Variants in LMBR1 observed in about 807,000 individuals in gnomAD.
LMBR1 encodes limb region 1 protein homolog.
Under a neutral mutation model 73.9 loss-of-function variants are expected in LMBR1, and 52 were observed. The observed-to-expected ratio is 0.70, with a 90% confidence interval of 0.56 to 0.89. LMBR1 has a LOEUF of 0.89. LMBR1 is among the 40% of genes least tolerant of loss of function. LMBR1 has a pLI of 0.00. For missense variants in LMBR1, 539 were observed against 579.8 expected (o/e 0.93, Z 0.72); for synonymous variants, 215 against 209.4 (o/e 1.03, Z -0.23).
chr7:156,880,175 G>C (rs916773250), intron 1 of LMBR1, among the ~76,000 whole-genome samples: 2 of 152,176 alleles, frequency 1.3e-5, no homozygotes, highest in South Asian at 2.1e-4. Flanking sequence ...CCATAAAAAG[G>C]AATGAAATAA....
chr7:156,724,057 A>T, intron 15 of LMBR1, 55 bp downstream of exon 15: 1 of 1,260,924 alleles, frequency 7.9e-7, no homozygotes, highest in Non-Finnish European at 1.1e-6. Context: ...AAGTTCAGTA[A>T]AGACAGTTTT....
At chr7:156,880,944 C>T (rs907701705) in intron 1 of LMBR1, among the ~76,000 whole-genome samples, 8 of 152,262 alleles carry the variant, frequency 5.3e-5, no homozygotes, top group East Asian at 3.9e-4. Flanking sequence ...TGAGCCACCA[C>T]GCCCAACCCC....
chr7:156,836,450 G>A (rs1431300900), intron 2 of LMBR1, among the ~76,000 whole-genome samples: 1 of 152,186 alleles, frequency 6.6e-6, no homozygotes, highest in East Asian at 1.9e-4. Context: ...TCTACTATAT[G>A]CTCTAGTAGC....
chr7:156,759,217 G>A (rs2132852427), intron 8 of LMBR1, among the ~76,000 whole-genome samples: 1 of 152,358 alleles, frequency 6.6e-6, no homozygotes, highest in Admixed American at 6.5e-5. Flanking sequence ...TTTGATGGTA[G>A]TAGCATAGTA....
Position 156,826,743 on chromosome 7 carries a change from A to G in LMBR1, c.181T>C (p.Leu61=), listed in dbSNP as rs1278951714. 2 of 1,603,342 alleles carry G rather than the reference A, an allele frequency of 1.2e-6. No homozygotes were observed. Among genetic ancestry groups the G allele is most frequent in the Admixed American group, 1.7e-5 (1 of 58,916 alleles). Residue 61 remains leucine, a splice_region_variant and synonymous_variant, in exon 4 of 17, where the codon TTG becomes CTG. Coordinates refer to ENST00000353442, the MANE Select transcript of LMBR1 (RefSeq NM_022458.4). The part of the protein sequence containing the change: ...DEDAIVNRIS[L]FLSTFTLAVS... ...GCGAGAGTGAACGTGCTCAAAAACA[A>G]CCTGGAAGAAAGGAGAGTCACCATC... is the stretch of plus-strand genomic sequence containing the variant.
At chr7:156,856,111 C>T (rs1423499426) in intron 1 of LMBR1, among the ~76,000 whole-genome samples, 3 of 151,968 alleles carry the variant, frequency 2.0e-5, no homozygotes, top group East Asian at 1.9e-4. Flanking sequence ...AGGAGAATGG[C>T]GTGAACCTGG....
At chr7:156,722,399 C>A (rs992643252) in intron 15 of LMBR1, among the ~76,000 whole-genome samples, 1 of 152,118 alleles carries the variant, frequency 6.6e-6, no homozygotes, top group Non-Finnish European at 1.5e-5. Flanking sequence ...AAATCAAAGA[C>A]TCAATTCTAA....
At chr7:156,832,083 G>A (rs1166337135) in intron 3 of LMBR1, among the ~76,000 whole-genome samples, 5 of 152,162 alleles carry the variant, frequency 3.3e-5, no homozygotes, top group South Asian at 2.1e-4. Flanking sequence ...ACTAAAACCC[G>A]TAATTCTGTA....
chr7:156,842,351 G>GTATTA (rs1413401007), intron 1 of LMBR1, among the ~76,000 whole-genome samples: 1 of 151,244 alleles, frequency 6.6e-6, no homozygotes, highest in Non-Finnish European at 1.5e-5. Flanking sequence ...AGGGGGAAGC[G>GTATTA]TATTATAGAA....
intron 4 of LMBR1, chr7:156,823,157 T>A (rs1218091088): frequency 6.6e-6 from 1 of 150,830 alleles, no homozygotes; most frequent in Non-Finnish European, 1.5e-5. Flanking sequence ...TAAAATGATA[T>A]ATGTATTAGA....
chr7:156,805,173 T>A (rs1831786852), intron 4 of LMBR1, among the ~76,000 whole-genome samples: 1 of 152,120 alleles, frequency 6.6e-6, no homozygotes, highest in Non-Finnish European at 1.5e-5. Context: ...GACAGTCTAT[T>A]CTGCTGATTT....
At chr7:156,862,229 G>A (rs200307301) in intron 1 of LMBR1, among the ~76,000 whole-genome samples, 5 of 152,214 alleles carry the variant, frequency 3.3e-5, no homozygotes, top group East Asian at 1.9e-4. Context: ...ATGGATGGCA[G>A]CAGGCAAAGA....
chr7:156,728,791 T>A lies in LMBR1; in HGVS notation c.839-71A>T, dbSNP rs1585412181. 3 of 1,061,302 alleles carry A rather than the reference T, an allele frequency of 2.8e-6. No homozygotes were observed. In the East Asian group the frequency reaches 7.3e-5, roughly 26 times the overall value. The allele number at this position is 1,061,302 out of a possible 1,614,324, so 65.7% of individuals were successfully genotyped here. A position where few individuals can be genotyped will look rare whatever the true frequency, so the allele number is the denominator to read the frequency against. ...ACATTTTCCTTCCATAATGCTATAA[T>A]CTGTTTTATACATAATTTCTTTTTA... On this transcript the variant is annotated intron_variant, in intron 10 of 16. Transcript: ENST00000353442.
intron 1 of LMBR1, among the ~76,000 whole-genome samples, chr7:156,890,977 G>T (rs1802802760): frequency 6.6e-6 from 1 of 151,848 alleles, no homozygotes; most frequent in South Asian, 2.1e-4. Flanking sequence ...GATCACCTGA[G>T]GTCAGGAGTT....
chr7:156,827,321 T>C (rs1219485681), intron 3 of LMBR1, among the ~76,000 whole-genome samples: 2 of 152,086 alleles, frequency 1.3e-5, no homozygotes, highest in Non-Finnish European at 2.9e-5. Context: ...AAACACTACT[T>C]TGTCATAAAA....
intron 15 of LMBR1, among the ~76,000 whole-genome samples, chr7:156,699,932 G>C (rs912248257): frequency 5.9e-5 from 9 of 152,168 alleles, no homozygotes; most frequent in Admixed American, 5.9e-4. Flanking sequence ...GGAGAAATAG[G>C]AACACTTTTA....
intron 4 of LMBR1, chr7:156,822,254 C>G (rs1487268275): frequency 1.3e-5 from 2 of 152,148 alleles, no homozygotes; most frequent in African/African-American, 4.8e-5. Context: ...TCTTGGCCAC[C>G]AGGCAATAGA....
chr7:156,855,083 C>T (rs908352869), intron 1 of LMBR1, among the ~76,000 whole-genome samples: 6 of 152,094 alleles, frequency 3.9e-5, no homozygotes, highest in Non-Finnish European at 5.9e-5. Context: ...GTCAAAGAGT[C>T]AGAACCAGAC....
intron 4 of LMBR1, among the ~76,000 whole-genome samples, chr7:156,803,618 T>C (rs1038936911): frequency 2.0e-5 from 3 of 152,100 alleles, no homozygotes; most frequent in African/African-American, 7.2e-5. Flanking sequence ...AGAAATGCCA[T>C]TTGACCCAGC....
Sources: allele counts gnomAD v4.1 joint callset (sites outside exome capture counted in the v4.1 genomes callset), GRCh38; gene constraint gnomAD v4.1.1; transcripts MANE v1.5; gene names NCBI Gene and HGNC (gene_info 2026-07-23, HGNC 2026-07-21).